MET: variants seen among roughly 807,000 people sequenced by gnomAD.
MET encodes MET proto-oncogene, receptor tyrosine kinase, also known as hepatocyte growth factor receptor.
Under a neutral mutation model 133.1 loss-of-function variants are expected in MET, and 48 were observed. That is an observed-to-expected ratio of 0.36 (90% CI 0.29 to 0.46). The LOEUF (loss-of-function observed/expected upper bound fraction) is 0.46. Among genes scored for constraint, MET ranks in the 20% least tolerant of loss-of-function variants. MET has a pLI of 1.00. For synonymous variants in MET, 628 were observed against 616.5 expected, an observed-to-expected ratio of 1.02 and a Z score of -0.28; for missense variants, 1,442 against 1,695.9, an observed-to-expected ratio of 0.85 and a Z score of 2.63.
At chr7:116,748,193 G>A (rs549750541) in intron 5 of MET, among the ~76,000 whole-genome samples, 35 of 152,326 alleles carry the variant, frequency 2.3e-4, no homozygotes, top group East Asian at 9.6e-4. Flanking sequence ...GTAGTGAGCC[G>A]CGAAGGCGCC....
chr7:116,767,207 C>G (rs1219843125), intron 11 of MET, among the ~76,000 whole-genome samples: 1 of 152,174 alleles, frequency 6.6e-6, no homozygotes, highest in Admixed American at 6.5e-5. Context: ...CTACCCACTT[C>G]CACTCCCATC....
At chr7:116,696,471 G>T (rs1796970549) in intron 1 of MET, among the ~76,000 whole-genome samples, 1 of 152,100 alleles carries the variant, frequency 6.6e-6, no homozygotes, top group South Asian at 2.1e-4. Flanking sequence ...TTTAACATCT[G>T]ATACTACTAT....
At chr7:116,745,026 A>T (rs957098381) in intron 5 of MET, among the ~76,000 whole-genome samples, 2 of 152,218 alleles carry the variant, frequency 1.3e-5, no homozygotes, top group Non-Finnish European at 2.9e-5. Context: ...ATATTTAGAA[A>T]ACTCCATCGT....
At chr7:116,678,481 G>A (rs530318015) in intron 1 of MET, among the ~76,000 whole-genome samples, 8 of 152,002 alleles carry the variant, frequency 5.3e-5, no homozygotes, top group East Asian at 1.9e-4. Flanking sequence ...TGATAAGACC[G>A]TGGAAGATTT....
At chr7:116,775,423 G>C (rs965755299) in intron 15 of MET, among the ~76,000 whole-genome samples, 1 of 152,154 alleles carries the variant, frequency 6.6e-6, no homozygotes, top group Non-Finnish European at 1.5e-5. Flanking sequence ...AAAACTCAGG[G>C]CCAGGCGCAG....
At chr7:116,773,580 G>A (rs1486827646) in intron 14 of MET, among the ~76,000 whole-genome samples, 2 of 152,142 alleles carry the variant, frequency 1.3e-5, no homozygotes, top group Non-Finnish European at 2.9e-5. Context: ...CCAATCCCCT[G>A]GGGAAGGTTT....
chr7:116,762,585 A>T (rs1794440473), intron 10 of MET, among the ~76,000 whole-genome samples: 1 of 152,152 alleles, frequency 6.6e-6, no homozygotes, highest in South Asian at 2.1e-4. Flanking sequence ...GGTAAATAGC[A>T]TTTTCATCTT....
At chr7:116,772,120 T>A (rs1055967819) in intron 14 of MET, 131 bp downstream of exon 14, 3 of 974,116 alleles carry the variant, frequency 3.1e-6, no homozygotes, top group Non-Finnish European at 4.6e-6. Context: ...CTCTGCCAAG[T>A]AAGTATTTGA....
At chr7:116,757,845 T>A (rs1182815939) in intron 8 of MET, 71 bp downstream of exon 8, 1 of 1,526,734 alleles carries the variant, frequency 6.5e-7, no homozygotes, top group South Asian at 1.1e-5. Context: ...ATTAAGCAGA[T>A]TGTTTTGTGT....
chr7:116,699,263 A>T lies in MET; in HGVS notation c.179A>T (p.His60Leu), dbSNP rs776426414. The change falls in exon 2 of 21, where the codon CAT (histidine) becomes CTT (leucine). Residue 60 changes from histidine to leucine, a missense_variant. By Grantham distance (99) the His-to-Leu change is moderately conservative. Coordinates refer to ENST00000397752, the MANE Select transcript of MET (RefSeq NM_000245.4). The stretch of plus-strand genomic sequence containing the variant: ...ATCCAGAATGTCATTCTACATGAGC[A>T]TCACATTTTCCTTGGTGCCACTAAC... ...TPIQNVILHE[H>L]HIFLGATNYI... is the part of the protein sequence containing the mutation. The T allele has an allele frequency of 6.2e-7, 1 of 1,614,026 alleles. No individual in the cohort carries two copies. The highest frequency in any genetic ancestry group is 1.1e-5 in the South Asian group (1 of 91,092).
At position 116,699,701 on chromosome 7, in the gene MET, T is replaced by C. The variant is rs746295363; in HGVS notation, c.617T>C (p.Phe206Ser). ...GGCAATACCATAAATTCTTCTTATTTCCCAGATCATCCATTGCATTCGATA... is the reference window on the plus strand; with the variant it reads ...GGCAATACCATAAATTCTTCTTATTCCCCAGATCATCCATTGCATTCGATA... ...FVGNTINSSY[F>S]PDHPLHSISV... Residue 206 changes from phenylalanine (F) to serine (S), a missense_variant, in exon 2 of 21, where the codon TTC becomes TCC. Physicochemically the swap from Phe to Ser is radical, Grantham distance 155 (BLOSUM62 -2). This residue lies in a region of MET where 762 missense variants were observed against 792.4 expected (regional missense o/e 0.96). Transcript: ENST00000397752. 8 of 1,613,920 alleles carry C rather than the reference T, an allele frequency of 5.0e-6. No individual in the cohort carries two copies. The East Asian group carries it at 1.8e-4, about 36-fold the overall frequency.
Position 116,775,094 on chromosome 7 carries a change from A to G in MET, c.3242A>G (p.Asn1081Ser), listed in dbSNP as rs764213589. ...CCCAGTAGCCTGATTGTGCATTTCA[A>G]TGAAGTCATAGGAAGAGGTAAGTAT... ...IGPSSLIVHF[N>S]EVIGRGHFGC... is the part of the protein sequence containing the mutation. The change falls in exon 15 of 21, where the codon AAT (asparagine) becomes AGT (serine). Residue 1081 changes from asparagine to serine, a missense_variant. This residue lies in a region of MET where 514 missense variants were observed against 659.6 expected (regional missense o/e 0.78). Transcript: ENST00000397752. 14 of 1,614,062 alleles carry G rather than the reference A, an allele frequency of 8.7e-6. No homozygotes were observed. The highest frequency in any genetic ancestry group is 1.0e-5 in the Non-Finnish European group (12 of 1,179,998).
At chr7:116,747,238 G>A (rs1793728058) in intron 5 of MET, among the ~76,000 whole-genome samples, 3 of 151,926 alleles carry the variant, frequency 2.0e-5, no homozygotes, top group Non-Finnish European at 4.4e-5. Flanking sequence ...TCAACCAATG[G>A]GCAAAATAAC....
chr7:116,725,623 A>G (rs957369120), intron 2 of MET, among the ~76,000 whole-genome samples: 4 of 151,644 alleles, frequency 2.6e-5, no homozygotes, highest in Non-Finnish European at 4.4e-5. Context: ...CTACACACCT[A>G]GGCTGTATGG....
intron 6 of MET, 64 bp from the exon 7 acceptor site, chr7:116,757,373 A>C (rs1380704259): frequency 7.4e-7 from 1 of 1,357,888 alleles, no homozygotes; most frequent in African/African-American, 1.4e-5. Flanking sequence ...CACTTCCTAT[A>C]AAACAACCTA....
rs2116605294 is a variant in MET at position 116,700,175 on chromosome 7, C to T, written c.1091C>T (p.Ala364Val). 1 of 1,593,526 alleles carries T rather than the reference C, an allele frequency of 6.3e-7. No individual in the cohort carries two copies. Among genetic ancestry groups the T allele is most frequent in the Non-Finnish European group, 8.5e-7 (1 of 1,171,910 alleles). The change falls in exon 2 of 21, where the codon GCA (alanine) becomes GTA (valine). Residue 364 changes from alanine (A) to valine (V), a missense_variant. Ala to Val is a moderately conservative substitution (Grantham distance 64, BLOSUM62 0). Around this residue, in one of 6 missense-constraint regions of MET, gnomAD observed 762 missense variants for 792.4 expected, o/e 0.96. Coordinates refer to ENST00000397752, the MANE Select transcript of MET (RefSeq NM_000245.4). Reference protein sequence around the residue: ...AEPMDRSAMCAFPIKYVNDFF... With the variant: ...AEPMDRSAMCVFPIKYVNDFF... ...CCAATGGATCGATCTGCCATGTGTGCATTCCCTATCAAATATGTCAACGAC... is the reference window on the plus strand; with the variant it reads ...CCAATGGATCGATCTGCCATGTGTGTATTCCCTATCAAATATGTCAACGAC...
intron 19 of MET, among the ~76,000 whole-genome samples, chr7:116,790,243 A>G (rs1055113478): frequency 6.6e-6 from 1 of 152,154 alleles, no homozygotes; most frequent in African/African-American, 2.4e-5. Context: ...TCTTAGCAAA[A>G]CTGAAACTCT....
chr7:116,746,430 G>GTA (rs1793688830), intron 5 of MET, among the ~76,000 whole-genome samples: 1 of 152,166 alleles, frequency 6.6e-6, no homozygotes, highest in South Asian at 2.1e-4. Context: ...CCATTACTGG[G>GTA]TATATACCCA....
chr7:116,783,363 A>T lies in MET; in HGVS notation c.3692A>T (p.Asp1231Val), dbSNP rs1584965536. ...ADFGLARDMY[D>V]KEYYSVHNKT... is the part of the protein sequence containing the mutation. ...TTTGGTCTTGCCAGAGACATGTATG[A>T]TAAAGAATACTATAGTGTACACAAC... Residue 1231 changes from aspartate to valine, a missense_variant, in exon 19 of 21, where the codon GAT becomes GTT. Transcript: ENST00000397752. The T allele has an allele frequency of 6.2e-7, 1 of 1,614,152 alleles. No homozygotes were observed. Among genetic ancestry groups the T allele is most frequent in the Non-Finnish European group, 8.5e-7 (1 of 1,180,018 alleles).
Sources: gnomAD v4.1 joint callset for allele counts (sites outside exome capture counted in the v4.1 genomes callset) on GRCh38, gnomAD v4.1.1 for gene constraint, gnomAD v4.1.1 regional missense constraint, MANE v1.5 for transcripts, NCBI Gene and HGNC (gene_info 2026-07-23, HGNC 2026-07-21) for gene names.